Variants in ERGIC2 observed in about 807,000 individuals in gnomAD.
The protein encoded by ERGIC2 is ERGIC and golgi 2.
In ERGIC2, 31 loss-of-function variants were observed where a neutral mutation model predicts 52.5. That is an observed-to-expected ratio of 0.59 (90% CI 0.44 to 0.80). ERGIC2 has a LOEUF of 0.80. ERGIC2 is among the 30% of genes least tolerant of loss of function. The probability of loss-of-function intolerance (pLI) is 0.00; values close to 1 mark genes in which losing one functional copy is unlikely to be tolerated. For synonymous variants in ERGIC2, 129 were observed against 140.6 expected, an observed-to-expected ratio of 0.92 and a Z score of 0.58; for missense variants, 395 against 455.2, an observed-to-expected ratio of 0.87 and a Z score of 1.20.
chr12:29,367,076 T>C (rs1416852958), intron 4 of ERGIC2, 129 bp from the exon 5 acceptor site: 2 of 467,232 alleles, frequency 4.3e-6, no homozygotes, highest in Non-Finnish European at 7.4e-6. Context: ...TCACCAACTA[T>C]GTAGAATAAT....
intron 6 of ERGIC2, among the ~76,000 whole-genome samples, chr12:29,360,402 A>G (rs565987795): frequency 5.3e-5 from 8 of 150,880 alleles, no homozygotes; most frequent in Admixed American, 5.3e-4. Flanking sequence ...AATGAATCCA[A>G]AATATCATGT....
chr12:29,376,112 G>A (rs1376572999), intron 1 of ERGIC2, among the ~76,000 whole-genome samples: 2 of 152,050 alleles, frequency 1.3e-5, no homozygotes, highest in Non-Finnish European at 2.9e-5. Flanking sequence ...CTCATGTTTT[G>A]TGCTATGTAT....
intron 6 of ERGIC2, among the ~76,000 whole-genome samples, chr12:29,358,996 A>G (rs1285096363): frequency 1.3e-5 from 2 of 152,156 alleles, no homozygotes; most frequent in African/African-American, 2.4e-5. Flanking sequence ...AGAGAGATTA[A>G]TTGTGATCCT....
intron 1 of ERGIC2, among the ~76,000 whole-genome samples, chr12:29,374,862 GTAA>G (rs1940493710): frequency 6.6e-6 from 1 of 151,942 alleles, no homozygotes; most frequent in South Asian, 2.1e-4. Context: ...TCTCTATACT[GTAA>G]TAATAAATTA....
chr12:29,369,052 A>C (rs1940403173), intron 3 of ERGIC2, among the ~76,000 whole-genome samples: 1 of 151,854 alleles, frequency 6.6e-6, no homozygotes, highest in Non-Finnish European at 1.5e-5. Context: ...CTGTGTAATA[A>C]TTTTCATCTG....
chr12:29,341,764 G>A lies in ERGIC2; in HGVS notation c.1041C>T (p.Phe347=). Residue 347 remains phenylalanine, a synonymous_variant, in exon 13 of 14, where the codon TTC becomes TTT. Transcript: ENST00000360150. The part of the protein sequence containing the change: ...KFIVEIICCR[F]RLGSYKPVNS... ...TGACAGGTTTATAGGATCCAAGTCT[G>A]AAACGACAGCAAATTATTTCAACTA... 1 of 1,600,982 alleles carries A rather than the reference G, an allele frequency of 6.2e-7. No homozygotes were observed. Among genetic ancestry groups the A allele is most frequent in the Non-Finnish European group, 8.6e-7 (1 of 1,168,204 alleles).
intron 13 of ERGIC2, 40 bp from the exon 14 acceptor site, chr12:29,341,258 T>A (rs778608233): frequency 2.0e-6 from 3 of 1,479,742 alleles, no homozygotes; most frequent in Non-Finnish European, 2.8e-6. Context: ...AAAGAATTAG[T>A]TTTATTCCTT....
At chr12:29,357,801 T>G (rs894138081) in intron 6 of ERGIC2, 77 bp from the exon 7 acceptor site, 40 of 805,314 alleles carry the variant, frequency 5.0e-5, no homozygotes, top group Non-Finnish European at 1.3e-5. Flanking sequence ...ATGACAATGT[T>G]TAGCTGACTT....
intron 10 of ERGIC2, among the ~76,000 whole-genome samples, chr12:29,346,687 G>C (rs1471130740): frequency 6.6e-6 from 1 of 152,058 alleles, no homozygotes; most frequent in Non-Finnish European, 1.5e-5. Flanking sequence ...TGATGGCCTG[G>C]GGTTACTGTA....
chr12:29,352,248 A>G (rs7310802), intron 8 of ERGIC2, among the ~76,000 whole-genome samples: 4,832 of 152,344 alleles, frequency 0.032, 104 homozygotes, highest in East Asian at 0.071. Context: ...GCAGCCATAT[A>G]TAAACAAATG....
intron 8 of ERGIC2, among the ~76,000 whole-genome samples, chr12:29,351,617 T>TC (rs1487152259): frequency 3.9e-5 from 6 of 152,178 alleles, no homozygotes; most frequent in Non-Finnish European, 7.4e-5. Context: ...AATGTCCTCA[T>TC]CTACCAGAAC....
chr12:29,367,047 CAA>C (rs748343213), intron 4 of ERGIC2, 100 bp from the exon 5 acceptor site: 8,819 of 253,946 alleles, frequency 0.035, no homozygotes, highest in Non-Finnish European at 0.039. Flanking sequence ...ACTCACCAAG[CAA>C]AAAAAAAAAA....
chr12:29,346,193 CTTT>C (rs869281697), intron 10 of ERGIC2, among the ~76,000 whole-genome samples: 4 of 140,436 alleles, frequency 2.8e-5, no homozygotes, highest in Non-Finnish European at 1.6e-5. Context: ...TTTCTTTTTC[CTTT>C]TTTTTTTTTT....
At chr12:29,379,132 T>A (rs570849896) in intron 1 of ERGIC2, among the ~76,000 whole-genome samples, 3 of 152,246 alleles carry the variant, frequency 2.0e-5, no homozygotes, top group South Asian at 4.1e-4. Context: ...CTAGTAGCAA[T>A]GTGAAGCAAG....
At position 29,350,028 on chromosome 12, in the gene ERGIC2, G is replaced by A; in HGVS notation, c.613C>T (p.Leu205Phe). The change falls in exon 9 of 14, where the codon CTT becomes TTT. Residue 205 changes from leucine (L) to phenylalanine (F), a missense_variant. Transcript: ENST00000360150. ...ATCTGCTTACATTCATGGTTGACAA[G>A]TGCTGCCAAATGTGCATGACCACGA... Reference protein sequence around the residue: ...HPRGHAHLAALVNHESYNFSH... With the variant: ...HPRGHAHLAAFVNHESYNFSH... 6.2e-7 allele frequency: 1 copy of A among 1,606,610 alleles called. No homozygotes were observed. Among genetic ancestry groups the A allele is most frequent in the Non-Finnish European group, 8.5e-7 (1 of 1,174,288 alleles).
At position 29,350,007 on chromosome 12, in the gene ERGIC2, GCTTA is replaced by G; in HGVS notation, c.628+2_628+5del. On this transcript the variant is annotated splice_donor_variant and splice_donor_5th_base_variant and intron_variant, in intron 9 of 13. Transcript: ENST00000360150. LOFTEE classifies it high-confidence loss of function. Reference sequence around the variant, plus strand: ...CTTTACTGAAAAAAAGTCAGAATCTGCTTACATTCATGGTTGACAAGTGCTGCCA... The same window carrying G: ...CTTTACTGAAAAAAAGTCAGAATCTGCATTCATGGTTGACAAGTGCTGCCA... The G allele has an allele frequency of 6.3e-7, 1 of 1,585,034 alleles. No individual in the cohort carries two copies.
chr12:29,342,081 T>C (rs906174392), intron 12 of ERGIC2, among the ~76,000 whole-genome samples: 1 of 152,158 alleles, frequency 6.6e-6, no homozygotes, highest in African/African-American at 2.4e-5. Flanking sequence ...GGTGCAATCT[T>C]GGCTCACTGC....
chr12:29,349,138 C>T lies in ERGIC2; in HGVS notation c.668G>A (p.Gly223Glu), dbSNP rs1940097515. The change falls in exon 10 of 14, where the codon GGA (glycine) becomes GAA (glutamate). Residue 223 changes from glycine (G) to glutamate (E), a missense_variant. Physicochemically the swap from Gly to Glu is moderately conservative, Grantham distance 98 (BLOSUM62 -2). Coordinates refer to ENST00000360150, the MANE Select transcript of ERGIC2 (RefSeq NM_016570.3). ...ATTAATAATTGCTGGAACAAGCTCT[C>T]CAAAAGACAAATGATCTATTCTATG... ...FSHRIDHLSF[G>E]ELVPAIINPL... 1.3e-6 allele frequency: 2 copies of T among 1,579,946 alleles called. No homozygotes were observed. The highest frequency in any genetic ancestry group is 1.7e-6 in the Non-Finnish European group (2 of 1,164,656).
chr12:29,374,604 C>T (rs73067454), intron 1 of ERGIC2, among the ~76,000 whole-genome samples: 216 of 152,322 alleles, frequency 1.4e-3, no homozygotes, highest in Non-Finnish European at 2.5e-3. Context: ...ATGAATACTT[C>T]ACCCTGTAAA....
Sources: gnomAD v4.1 joint callset for allele counts (sites outside exome capture counted in the v4.1 genomes callset) on GRCh38, gnomAD v4.1.1 for gene constraint, MANE v1.5 for transcripts, NCBI Gene and HGNC (gene_info 2026-07-23, HGNC 2026-07-21) for gene names.